AFP: variants seen among roughly 807,000 people sequenced by gnomAD.
AFP encodes the protein alpha fetoprotein.
Under a neutral mutation model 78.9 loss-of-function variants are expected in AFP, and 64 were observed. The observed-to-expected ratio is 0.81, with a 90% CI of 0.66 to 1.00. AFP has a LOEUF of 1.00. Among genes scored for constraint, AFP ranks in the 50% least tolerant of loss-of-function variants. The pLI is 0.00. For synonymous variants in AFP, 254 were observed against 243.8 expected (o/e 1.04, Z -0.39); for missense variants, 689 against 703.8 (o/e 0.98, Z 0.24).
rs1326538649 is a variant in AFP at position 73,438,254 on chromosome 4, C to G, written c.218C>G (p.Ala73Gly). ...AAAATGGTGAAAGATGCATTGACTGCAATTGAGAAACCCACTGGAGATGAA... is the reference window on the plus strand; with the variant it reads ...AAAATGGTGAAAGATGCATTGACTGGAATTGAGAAACCCACTGGAGATGAA... The part of the protein sequence containing the change: ...VSKMVKDALT[A>G]IEKPTGDEQS... The change falls in exon 3 of 15, where the codon GCA (alanine) becomes GGA (glycine). Residue 73 changes from alanine (A) to glycine (G), a missense_variant. Ala to Gly is a moderately conservative substitution (Grantham distance 60). Coordinates refer to ENST00000395792, the MANE Select transcript of AFP (RefSeq NM_001134.3). 6.2e-7 allele frequency: 1 copy of G among 1,613,342 alleles called. No homozygotes were observed. The highest frequency in any genetic ancestry group is 1.3e-5 in the African/African-American group (1 of 74,980).
intron 3 of AFP, 134 bp downstream of exon 3, chr4:73,438,440 C>T: frequency 1.9e-6 from 2 of 1,028,456 alleles, no homozygotes; most frequent in South Asian, 3.1e-5. Flanking sequence ...GGATTAGATT[C>T]ATTCTGAATT....
chr4:73,437,083 A>T, intron 1 of AFP, 77 bp from the exon 2 acceptor site: 1 of 1,111,808 alleles, frequency 9.0e-7, no homozygotes, highest in Non-Finnish European at 1.4e-6. Flanking sequence ...CTGAAACACA[A>T]ACATTCATAT....
In AFP at chr4:73,453,831, A is replaced by G. The variant is rs778085834; in HGVS notation, c.1719A>G (p.Ala573=). The part of the protein sequence containing the change: ...ITEEQLEAVI[A]DFSGLLEKCC... ...AGGAACAACTTGAGGCTGTCATTGCAGATTTCTCAGGCCTGTTGGAGAAAT... is the reference window on the plus strand; with the variant it reads ...AGGAACAACTTGAGGCTGTCATTGCGGATTTCTCAGGCCTGTTGGAGAAAT... Residue 573 remains alanine (A), a synonymous_variant, in exon 13 of 15, where the codon GCA becomes GCG. Coordinates refer to ENST00000395792, the MANE Select transcript of AFP (RefSeq NM_001134.3). 1.1e-5 allele frequency: 17 copies of G among 1,613,862 alleles called. No individual in the cohort carries two copies. In the South Asian group the frequency reaches 1.9e-4, roughly 18 times the overall value.
At chr4:73,452,109 G>T (rs1042774139) in intron 11 of AFP, among the ~76,000 whole-genome samples, 2 of 152,200 alleles carry the variant, frequency 1.3e-5, no homozygotes, top group African/African-American at 4.8e-5. Flanking sequence ...CTTTAGAAGT[G>T]TGTATGTAAC....
intron 10 of AFP, 66 bp downstream of exon 10, chr4:73,450,199 T>C: frequency 1.6e-6 from 2 of 1,278,492 alleles, no homozygotes; most frequent in Non-Finnish European, 2.2e-6. Context: ...CCTTCCCCAT[T>C]CTCCTCCTTT....
chr4:73,439,587 A>C (rs943477995), intron 3 of AFP, among the ~76,000 whole-genome samples: 1 of 152,168 alleles, frequency 6.6e-6, no homozygotes, highest in African/African-American at 2.4e-5. Context: ...ATCTTACGTA[A>C]GCCTTCCAGG....
intron 3 of AFP, among the ~76,000 whole-genome samples, chr4:73,439,477 A>G (rs1372411500): frequency 6.6e-6 from 1 of 152,222 alleles, no homozygotes; most frequent in Non-Finnish European, 1.5e-5. Context: ...ATCTATTGCA[A>G]CTTTACAACC....
At chr4:73,447,306 A>T (rs1719858867) in intron 7 of AFP, among the ~76,000 whole-genome samples, 156 bp from the exon 8 acceptor site, 1 of 142,322 alleles carries the variant, frequency 7.0e-6, no homozygotes, top group Admixed American at 7.1e-5. Context: ...ATCCCTCTCT[A>T]TTTCCCTTTC....
chr4:73,442,829 A>T (rs1719709685), intron 5 of AFP, among the ~76,000 whole-genome samples: 1 of 152,118 alleles, frequency 6.6e-6, no homozygotes, highest in Non-Finnish European at 1.5e-5. Flanking sequence ...AACAAATTTG[A>T]GGTGTAAGTA....
intron 13 of AFP, among the ~76,000 whole-genome samples, chr4:73,454,690 A>G (rs1560398975): frequency 6.6e-6 from 1 of 152,166 alleles, no homozygotes; most frequent in Non-Finnish European, 1.5e-5. Flanking sequence ...AAAGACAGAT[A>G]TATTTAGAAA....
intron 6 of AFP, among the ~76,000 whole-genome samples, chr4:73,444,510 A>G (rs1002927456): frequency 1.3e-5 from 2 of 152,168 alleles, no homozygotes; most frequent in Admixed American, 1.3e-4. Flanking sequence ...CTCTTGGCAC[A>G]CTGGTATGCC....
Position 73,443,396 on chromosome 4 carries a change from A to G in AFP, c.665A>G (p.His222Arg), listed in dbSNP as rs1464194932. 1 of 1,613,848 alleles carries G rather than the reference A, an allele frequency of 6.2e-7. No homozygotes were observed. The highest frequency in any genetic ancestry group is 1.7e-5 in the Admixed American group (1 of 60,018). Reference sequence around the variant, plus strand: ...AGAGAAAGCAGCTTGTTAAATCAACATGCATGTGCAGTAATGAAAAATTTT... The same window carrying G: ...AGAGAAAGCAGCTTGTTAAATCAACGTGCATGTGCAGTAATGAAAAATTTT... ...ELRESSLLNQ[H>R]ACAVMKNFGT... is the part of the protein sequence containing the mutation. Residue 222 changes from histidine (H) to arginine (R), a missense_variant, in exon 6 of 15, where the codon CAT becomes CGT. Transcript: ENST00000395792.
At chr4:73,445,313 G>C (rs914222894) in intron 7 of AFP, among the ~76,000 whole-genome samples, 191 bp downstream of exon 7, 3 of 151,936 alleles carry the variant, frequency 2.0e-5, no homozygotes, top group African/African-American at 7.3e-5. Flanking sequence ...TTTCACTTTA[G>C]CTATACCCCT....
chr4:73,443,283 A>G, intron 5 of AFP, 64 bp from the exon 6 acceptor site: 1 of 1,259,528 alleles, frequency 7.9e-7, no homozygotes, highest in African/African-American at 1.5e-5. Flanking sequence ...TTTTCTAAAT[A>G]TTAGAGCTTG....
chr4:73,436,459 G>A, intron 1 of AFP, 112 bp downstream of exon 1: 2 of 642,636 alleles, frequency 3.1e-6, no homozygotes, highest in Non-Finnish European at 5.3e-6. Context: ...TCCACATGGA[G>A]AAAAAATATT....
At position 73,443,508 on chromosome 4, in the gene AFP, G is replaced by T. The variant is rs539637999; in HGVS notation, c.713+64G>T. ...ACAGAACTACCATTTTGCAATTTGG[G>T]TTCGTTTTTTTAATTGTTGCTGTTT... On this transcript the variant is annotated intron_variant, in intron 6 of 14. Coordinates refer to ENST00000395792, the MANE Select transcript of AFP (RefSeq NM_001134.3). The T allele has an allele frequency of 2.2e-6, 3 of 1,342,536 alleles. No individual in the cohort carries two copies. The African/African-American group carries it at 4.3e-5, about 19-fold the overall frequency. 83.2% of individuals were successfully genotyped at this position (1,342,536 alleles called of 1,614,324 possible). A position where few individuals can be genotyped will look rare whatever the true frequency, so the allele number is the denominator to read the frequency against.
chr4:73,446,957 T>C (rs527498235), intron 7 of AFP, among the ~76,000 whole-genome samples: 1 of 152,318 alleles, frequency 6.6e-6, no homozygotes, highest in South Asian at 2.1e-4. Flanking sequence ...AGTTAAAATT[T>C]CTTTTTAATT....
chr4:73,453,619 G>A, intron 12 of AFP, 146 bp from the exon 13 acceptor site: 3 of 875,322 alleles, frequency 3.4e-6, no homozygotes, highest in Non-Finnish European at 1.8e-6. Context: ...TCTACTGAAA[G>A]TACTAGACAA....
chr4:73,436,373 C>A, intron 1 of AFP, 26 bp downstream of exon 1: 1 of 1,356,090 alleles, frequency 7.4e-7, no homozygotes, highest in Non-Finnish European at 1.0e-6. Flanking sequence ...TTTTTCTTGT[C>A]TTTTCTCTAT....
Sources: allele counts gnomAD v4.1 joint callset (sites outside exome capture counted in the v4.1 genomes callset), GRCh38; gene constraint gnomAD v4.1.1; transcripts MANE v1.5; gene names NCBI Gene and HGNC (gene_info 2026-07-23, HGNC 2026-07-21).